The following BRWD1 variants were observed in gnomAD, a reference collection of about 807,000 sequenced individuals.
BRWD1 encodes the protein bromodomain and WD repeat-containing protein 1.
In BRWD1, 82 loss-of-function variants were observed where a neutral mutation model predicts 251.2. That is an observed-to-expected ratio of 0.33 (90% CI 0.27 to 0.39). The LOEUF is 0.39. Ranked by LOEUF, BRWD1 falls within the 10% of genes least tolerant of loss-of-function variation. BRWD1 has a pLI of 1.00. For synonymous variants in BRWD1, 918 were observed against 902.8 expected (o/e 1.02, Z -0.30); for missense variants, 2,233 against 2,711.6 (o/e 0.82, Z 3.92).
intron 12 of BRWD1, among the ~76,000 whole-genome samples, chr21:39,275,070 C>T (rs910399719): frequency 4.0e-5 from 6 of 151,124 alleles, no homozygotes; most frequent in African/African-American, 1.5e-4. Flanking sequence ...AATAAGAATG[C>T]CAAGAAGAAA....
Position 39,212,570 on chromosome 21 carries a change from CTGATA to C in BRWD1, c.3900+91_3900+95del, listed in dbSNP as rs1460709840. On this transcript the variant is annotated intron_variant, in intron 34 of 40. Transcript: ENST00000342449. ...GCTAATAAAATATTCAGTATCTACA[CTGATA>C]TAACTTTTCAAAGACAAAAACTAAA... 1.3e-5 allele frequency: 12 copies of C among 948,742 alleles called. No individual in the cohort carries two copies. In the African/African-American group the frequency reaches 2.0e-4, roughly 16 times the overall value. The allele number at this position is 948,742 out of a possible 1,614,324, so 58.8% of individuals were successfully genotyped here. A position where few individuals can be genotyped will look rare whatever the true frequency, so the allele number is the denominator to read the frequency against.
At chr21:39,309,965 G>C (rs879608345) in intron 4 of BRWD1, among the ~76,000 whole-genome samples, 12 of 152,050 alleles carry the variant, frequency 7.9e-5, no homozygotes, top group Non-Finnish European at 1.6e-4. Flanking sequence ...ATGAAATGTA[G>C]TGTCTGGAAT....
Position 39,232,579 on chromosome 21 carries a change from T to G in BRWD1, c.2767-81A>C, listed in dbSNP as rs1250110194. ...TCTGAATGAAAAATAAAAGAAACTT[T>G]CACCATTCAGAATGACTATTTTTGC... On this transcript the variant is annotated intron_variant, in intron 23 of 40. Transcript: ENST00000342449. 7.4e-6 allele frequency: 11 copies of G among 1,495,086 alleles called. No individual in the cohort carries two copies. In the African/African-American group the frequency reaches 1.3e-4, roughly 18 times the overall value. 92.6% of individuals were successfully genotyped at this position (1,495,086 alleles called of 1,614,324 possible).
chr21:39,225,125 G>T lies in BRWD1; in HGVS notation c.3281C>A (p.Pro1094Gln). 1 of 1,612,804 alleles carries T rather than the reference G, an allele frequency of 6.2e-7. No individual in the cohort carries two copies. Among genetic ancestry groups the T allele is most frequent in the South Asian group, 1.1e-5 (1 of 91,036 alleles). Residue 1094 changes from proline to glutamine, a missense_variant, in exon 28 of 41, where the codon CCA becomes CAA. Transcript: ENST00000342449. ...CTGGAAATGACTATCAGGATACTGT[G>T]GTTGATATGGCTCTTGACTTAACAC... is the stretch of plus-strand genomic sequence containing the variant. ...GTVLSQEPYQ[P>Q]QYPDSHFQCY...
Position 39,196,414 on chromosome 21 carries a change from C to G in BRWD1, c.6655G>C (p.Asp2219His). 2 of 1,613,786 alleles carry G rather than the reference C, an allele frequency of 1.2e-6. No homozygotes were observed. Among genetic ancestry groups the G allele is most frequent in the Non-Finnish European group, 1.7e-6 (2 of 1,179,744 alleles). Reference protein sequence around the residue: ...KRPRLSVDDNDWEDLDYAKSK... With the variant: ...KRPRLSVDDNHWEDLDYAKSK... ...TTTGCATAGTCCAAATCCTCCCAGT[C>G]ATTATCATCCACACTTAACCTAGGG... Residue 2219 changes from aspartate to histidine, a missense_variant, in exon 41 of 41, where the codon GAC becomes CAC. Around this residue, in one of 12 missense-constraint regions of BRWD1, gnomAD observed 928 missense variants for 970.0 expected, o/e 0.96. Transcript: ENST00000342449.
At chr21:39,283,400 C>T (rs1601457440) in intron 8 of BRWD1, among the ~76,000 whole-genome samples, 2 of 152,150 alleles carry the variant, frequency 1.3e-5, no homozygotes, top group Non-Finnish European at 2.9e-5. Flanking sequence ...CCCAAGACTC[C>T]GGTCAGTATT....
chr21:39,292,140 G>GGGGGGGT (rs2035834504), intron 8 of BRWD1, among the ~76,000 whole-genome samples: 2 of 93,218 alleles, frequency 2.1e-5, no homozygotes, highest in Non-Finnish European at 4.3e-5. Flanking sequence ...GGTGGGGGGG[G>GGGGGGGT]GGGTCTCACT....
At chr21:39,292,512 T>C (rs9979547) in intron 8 of BRWD1, among the ~76,000 whole-genome samples, 141,370 of 152,252 alleles carry the variant, frequency 0.93, 65,992 homozygotes, top group African/African-American at 0.97. Context: ...ACTCATACCC[T>C]CGCCCCAGAC....
At chr21:39,234,443 G>A (rs1029592265) in intron 23 of BRWD1, among the ~76,000 whole-genome samples, 2 of 152,210 alleles carry the variant, frequency 1.3e-5, no homozygotes, top group Admixed American at 1.3e-4. Flanking sequence ...GTAAAGCTGA[G>A]GGGGAAAACC....
chr21:39,188,922 C>T lies in BRWD1; in HGVS notation c.*7337G>A. 1.0e-6 allele frequency: 1 copy of T among 985,342 alleles called. No individual in the cohort carries two copies. Among genetic ancestry groups the T allele is most frequent in the Non-Finnish European group, 1.2e-6 (1 of 829,900 alleles). 61.0% of individuals were successfully genotyped at this position (985,342 alleles called of 1,614,324 possible). On this transcript the variant is annotated 3_prime_UTR_variant, in exon 41 of 41. Transcript: ENST00000342449. Reference sequence around the variant, plus strand: ...CATTTTACCAGAGTAAGACACTCATCACGGCATTACTCTCATGCAGCATGC... The same window carrying T: ...CATTTTACCAGAGTAAGACACTCATTACGGCATTACTCTCATGCAGCATGC...
chr21:39,289,269 T>C (rs903543185), intron 8 of BRWD1, among the ~76,000 whole-genome samples: 2 of 152,206 alleles, frequency 1.3e-5, no homozygotes, highest in African/African-American at 4.8e-5. Context: ...GATTTCAAAA[T>C]GCATCTTCAT....
chr21:39,313,329 C>A (rs768417935), intron 1 of BRWD1, 30 bp from the exon 2 acceptor site: 11 of 1,520,996 alleles, frequency 7.2e-6, no homozygotes, highest in Non-Finnish European at 7.1e-6. Flanking sequence ...CAGGTCAAGC[C>A]CCGGCGGGGA....
chr21:39,275,181 T>G (rs543168802), intron 12 of BRWD1, among the ~76,000 whole-genome samples: 1 of 152,340 alleles, frequency 6.6e-6, no homozygotes, highest in South Asian at 2.1e-4. Context: ...TTGGACACTG[T>G]GTAAAAATAA....
chr21:39,192,057 T>A lies in BRWD1; in HGVS notation c.*4202A>T, dbSNP rs527582558. The A allele has an allele frequency of 1.5e-3, 1,496 of 984,982 alleles. 1 individual carries two copies. The highest frequency in any genetic ancestry group is 1.7e-3 in the Non-Finnish European group (1,370 of 829,712). 61.0% of individuals were successfully genotyped at this position (984,982 alleles called of 1,614,324 possible). On this transcript the variant is annotated 3_prime_UTR_variant, in exon 41 of 41. Coordinates refer to ENST00000342449, the MANE Select transcript of BRWD1 (RefSeq NM_033656.4). ...CCCTCCATCAAATCTAGAAAAGCAATTCTTGAGCAGACACCAATTTAAAGA... is the reference window on the plus strand; with the variant it reads ...CCCTCCATCAAATCTAGAAAAGCAAATCTTGAGCAGACACCAATTTAAAGA...
At chr21:39,293,724 C>G in intron 8 of BRWD1, 87 bp downstream of exon 8, 1 of 985,696 alleles carries the variant, frequency 1.0e-6, no homozygotes, top group South Asian at 1.5e-5. Context: ...TAATACACAT[C>G]TTACTATTTC....
chr21:39,222,625 G>A (rs1209338550), intron 29 of BRWD1, among the ~76,000 whole-genome samples: 1 of 152,178 alleles, frequency 6.6e-6, no homozygotes, highest in Non-Finnish European at 1.5e-5. Flanking sequence ...ACAAAAATCT[G>A]AGTACATACT....
rs749344817 is a variant in BRWD1 at position 39,196,225 on chromosome 21, A to G, written c.*34T>C. The G allele has an allele frequency of 5.3e-6, 8 of 1,519,342 alleles. No individual in the cohort carries two copies. Among genetic ancestry groups the G allele is most frequent in the Non-Finnish European group, 6.1e-6 (7 of 1,138,468 alleles). 94.1% of individuals were successfully genotyped at this position (1,519,342 alleles called of 1,614,324 possible). On this transcript the variant is annotated 3_prime_UTR_variant, in exon 41 of 41. Transcript: ENST00000342449. ...CAGCTTTCACCATAAATGCCAGTCC[A>G]TTTCCTCTTAAATGAACTGGCTTTC...
chr21:39,207,431 A>C (rs1416590515), intron 36 of BRWD1, among the ~76,000 whole-genome samples: 1 of 139,146 alleles, frequency 7.2e-6, no homozygotes, highest in African/African-American at 2.7e-5. Flanking sequence ...AGGCTCAAAA[A>C]AAAAAAAGAA....
Position 39,255,818 on chromosome 21 carries a change from C to T in BRWD1, c.2082G>A (p.Arg694=). ...GEETPRRGFR[R]LSLDIQSPPN... ...GAGGGGACTGAATGTCTAAGCTCAGCCTTCTAAAACCTAGGAAAATATGAT... is the reference window on the plus strand; with the variant it reads ...GAGGGGACTGAATGTCTAAGCTCAGTCTTCTAAAACCTAGGAAAATATGAT... Residue 694 remains arginine, a synonymous_variant, in exon 19 of 41, where the codon AGG becomes AGA. Coordinates refer to ENST00000342449, the MANE Select transcript of BRWD1 (RefSeq NM_033656.4). 6.2e-7 allele frequency: 1 copy of T among 1,613,704 alleles called. No homozygotes were observed. Among genetic ancestry groups the T allele is most frequent in the Non-Finnish European group, 8.5e-7 (1 of 1,179,696 alleles).
Sources: allele counts gnomAD v4.1 joint callset (sites outside exome capture counted in the v4.1 genomes callset), GRCh38; gene constraint gnomAD v4.1.1; regional missense constraint gnomAD v4.1.1; transcripts MANE v1.5; gene names NCBI Gene and HGNC (gene_info 2026-07-23, HGNC 2026-07-21).